The following RBMS3 variants were observed in gnomAD, a reference collection of about 807,000 sequenced individuals.
The protein encoded by RBMS3 is RNA binding motif single stranded interacting protein 3, also known as RNA-binding motif, single-stranded-interacting protein 3.
RBMS3 carries 27 observed loss-of-function variants against 66.8 expected under a neutral mutation model. That is an observed-to-expected ratio of 0.40 (90% CI 0.30 to 0.56). RBMS3 has a LOEUF of 0.56. RBMS3 is among the 20% of genes least tolerant of loss of function. The probability of loss-of-function intolerance (pLI) is 0.40; values close to 1 mark genes in which losing one functional copy is unlikely to be tolerated. For missense variants in RBMS3, 513 were observed against 549.5 expected (o/e 0.93, Z 0.66); for synonymous variants, 188 against 183.0 (o/e 1.03, Z -0.22).
intron 4 of RBMS3, among the ~76,000 whole-genome samples, chr3:29,658,512 T>C (rs1440170581): frequency 6.6e-6 from 1 of 152,234 alleles, no homozygotes; most frequent in African/African-American, 2.4e-5. Context: ...TCTTGGATTA[T>C]CTGCTCTTTA....
At position 29,281,110 on chromosome 3, in the gene RBMS3, C is replaced by T. The variant is rs2031715981; in HGVS notation, c.-572C>T. The T allele has an allele frequency of 1.0e-5, 1 of 96,594 alleles. No individual in the cohort carries two copies. Among genetic ancestry groups the T allele is most frequent in the Non-Finnish European group, 2.1e-5 (1 of 47,074 alleles). The allele number at this position is 96,594 out of a possible 1,614,324, so 6.0% of individuals were successfully genotyped here. Reference sequence around the variant, plus strand: ...GGGAGACAGCAGCAACTAAGCTGTACAAGGTTTTTTTTTTTTTTTTTTCTT... The same window carrying T: ...GGGAGACAGCAGCAACTAAGCTGTATAAGGTTTTTTTTTTTTTTTTTTCTT... On this transcript the variant is annotated 5_prime_UTR_variant, in exon 1 of 15. Transcript: ENST00000383767.
At chr3:29,623,087 G>A (rs541682378) in intron 4 of RBMS3, among the ~76,000 whole-genome samples, 2 of 144,186 alleles carry the variant, frequency 1.4e-5, no homozygotes, top group East Asian at 4.5e-4. Flanking sequence ...CTTCAGCCTG[G>A]GAGAAAGACT....
At chr3:29,733,638 C>G (rs926216034) in intron 4 of RBMS3, among the ~76,000 whole-genome samples, 3 of 151,920 alleles carry the variant, frequency 2.0e-5, no homozygotes, top group Non-Finnish European at 4.4e-5. Context: ...GTATATTTCT[C>G]ATATATCTGT....
At chr3:29,553,789 C>T (rs1185771725) in intron 3 of RBMS3, among the ~76,000 whole-genome samples, 7 of 144,818 alleles carry the variant, frequency 4.8e-5, no homozygotes, top group Non-Finnish European at 7.5e-5. Flanking sequence ...TATTACAATA[C>T]CAAAATTAAC....
chr3:29,950,845 A>G (rs968473893), intron 12 of RBMS3, among the ~76,000 whole-genome samples: 3 of 151,914 alleles, frequency 2.0e-5, no homozygotes, highest in Non-Finnish European at 4.4e-5. Context: ...TGTCTTTTAT[A>G]TAAAGAAGCA....
Position 29,839,949 on chromosome 3 carries a change from C to G in RBMS3, c.638-28909C>G, listed in dbSNP as rs79700562. Among the ~76,000 whole-genome samples the G allele has an allele frequency of 9.5e-3, 1,439 of 151,884 alleles. 21 individuals carry two copies. Among genetic ancestry groups the G allele is most frequent in the African/African-American group, 0.033 (1,378 of 41,450 alleles). ...AAAATTTTATCTATAACATTTATAC[C>G]AGTTACCTATCACTATTGAATATAC... On this transcript the variant is annotated intron_variant, in intron 6 of 14. Transcript: ENST00000383767.
chr3:29,499,891 C>A (rs2043900410), intron 3 of RBMS3, among the ~76,000 whole-genome samples: 2 of 152,110 alleles, frequency 1.3e-5, no homozygotes, highest in Admixed American at 1.3e-4. Flanking sequence ...AAAAAACACA[C>A]TGGGCCTTGG....
chr3:29,762,889 TG>T lies in RBMS3; in HGVS notation c.558-19del, dbSNP rs760760665. 1 of 1,525,244 alleles carries T rather than the reference TG, an allele frequency of 6.6e-7. No individual in the cohort carries two copies. The highest frequency in any genetic ancestry group is 1.1e-5 in the South Asian group (1 of 87,516). The allele number at this position is 1,525,244 out of a possible 1,614,324, so 94.5% of individuals were successfully genotyped here. On this transcript the variant is annotated intron_variant, in intron 5 of 14. Coordinates refer to ENST00000383767, the MANE Select transcript of RBMS3 (RefSeq NM_001003793.3). ...TTTCTTGACAACCATATATGACCTC[TG>T]GTTTACCTTTTTTTCCCAGAATGGA... is the stretch of plus-strand genomic sequence containing the variant.
At chr3:29,485,834 A>T (rs915630123) in intron 2 of RBMS3, among the ~76,000 whole-genome samples, 1 of 152,164 alleles carries the variant, frequency 6.6e-6, no homozygotes, top group African/African-American at 2.4e-5. Context: ...TTTCTCTAAT[A>T]TTAGATTTCT....
chr3:29,316,736 A>T (rs1223620280), intron 1 of RBMS3, among the ~76,000 whole-genome samples: 1 of 151,682 alleles, frequency 6.6e-6, no homozygotes, highest in Non-Finnish European at 1.5e-5. Flanking sequence ...ATACTATTTA[A>T]TAGCTATTAT....
intron 4 of RBMS3, among the ~76,000 whole-genome samples, chr3:29,702,312 G>A (rs2149291215): frequency 6.6e-6 from 1 of 152,278 alleles, no homozygotes; most frequent in Non-Finnish European, 1.5e-5. Context: ...GAACTTTTGT[G>A]TCTAGCTCAG....
intron 2 of RBMS3, among the ~76,000 whole-genome samples, chr3:29,471,210 G>A (rs148764334): frequency 1.7e-3 from 258 of 152,246 alleles, no homozygotes; most frequent in African/African-American, 6.0e-3. Flanking sequence ...CTGTTTTTCT[G>A]CATTTTCCAA....
chr3:29,497,973 ATTTTTTTTTTTTTTTTTTTTT>A lies in RBMS3; in HGVS notation c.307+9491_307+9511del, dbSNP rs779555263. On this transcript the variant is annotated intron_variant, in intron 3 of 14. Transcript: ENST00000383767. ...TCAGAGTTATTCTCTAAAAGTATTC[ATTTTTTTTTTTTTTTTTTTTT>A]TTTTTTTTTTTTTTTTGGGAGACAG... 3.9e-3 allele frequency among the ~76,000 whole-genome samples: 171 copies of A among 43,434 alleles called. 1 individual carries two copies. The highest frequency in any genetic ancestry group is 0.014 in the East Asian group (18 of 1,330). 28.5% of individuals were successfully genotyped at this position (43,434 alleles called of 152,430 possible).
chr3:29,584,641 T>C (rs952829526), intron 3 of RBMS3, among the ~76,000 whole-genome samples: 8 of 152,288 alleles, frequency 5.3e-5, no homozygotes, highest in Non-Finnish European at 1.2e-4. Flanking sequence ...CAGTGGCTTA[T>C]GGCAAAAACA....
intron 2 of RBMS3, among the ~76,000 whole-genome samples, chr3:29,444,325 A>G (rs987745466): frequency 2.8e-4 from 43 of 152,208 alleles, no homozygotes; most frequent in African/African-American, 9.6e-4. Flanking sequence ...TGACTTTCCC[A>G]AGGTCACACA....
In RBMS3 at chr3:29,923,791, A is replaced by G. The variant is rs1024852304; in HGVS notation, c.940-12295A>G. ...AGAAGTTTTGTAAGGTAATATAAAA[A>G]TGCTATGTCACCAAGGCCACATAAT... is the stretch of plus-strand genomic sequence containing the variant. On this transcript the variant is annotated intron_variant, in intron 10 of 14. Coordinates refer to ENST00000383767, the MANE Select transcript of RBMS3 (RefSeq NM_001003793.3). Among the ~76,000 whole-genome samples the G allele has an allele frequency of 1.0e-4, 15 of 144,160 alleles. No individual in the cohort carries two copies. The East Asian group carries it at 2.7e-3, about 26-fold the overall frequency. The allele number at this position is 144,160 out of a possible 152,430, so 94.6% of individuals were successfully genotyped here.
intron 3 of RBMS3, among the ~76,000 whole-genome samples, chr3:29,514,317 A>G (rs1309628067): frequency 6.6e-6 from 1 of 152,086 alleles, no homozygotes; most frequent in African/African-American, 2.4e-5. Context: ...TTGGCAACCT[A>G]AAGCTACTCA....
intron 12 of RBMS3, among the ~76,000 whole-genome samples, chr3:29,963,367 A>T (rs750589659): frequency 1.6e-4 from 25 of 152,162 alleles, no homozygotes; most frequent in Non-Finnish European, 4.4e-5. Context: ...AGGTGATTAC[A>T]ATGTAAAGCC....
At chr3:29,858,366 G>C (rs1044348145) in intron 6 of RBMS3, among the ~76,000 whole-genome samples, 3 of 152,154 alleles carry the variant, frequency 2.0e-5, no homozygotes, top group Non-Finnish European at 4.4e-5. Context: ...TCAGAGGAAA[G>C]TGCAATACTC....
Sources: gnomAD v4.1 joint callset for allele counts (sites outside exome capture counted in the v4.1 genomes callset) on GRCh38, gnomAD v4.1.1 for gene constraint, MANE v1.5 for transcripts, NCBI Gene and HGNC (gene_info 2026-07-23, HGNC 2026-07-21) for gene names.